Variants in PTPRM observed in about 807,000 individuals in gnomAD.
PTPRM encodes the protein protein tyrosine phosphatase receptor type M, also known as receptor-type tyrosine-protein phosphatase mu.
PTPRM carries 47 observed loss-of-function variants against 186.7 expected under a neutral mutation model. The ratio of observed to expected loss-of-function variants is 0.25; its 90% CI spans 0.20 to 0.32. The LOEUF is 0.32. Ranked by LOEUF, PTPRM falls within the 10% of genes least tolerant of loss-of-function variation. The probability of loss-of-function intolerance (pLI) is 1.00; values close to 1 mark genes in which losing one functional copy is unlikely to be tolerated. For missense variants in PTPRM, 1,494 were observed against 1,865.0 expected, an observed-to-expected ratio of 0.80 and a Z score of 3.66; for synonymous variants, 668 against 674.9, an observed-to-expected ratio of 0.99 and a Z score of 0.16.
At chr18:8,175,160 A>G (rs976298484) in intron 14 of PTPRM, among the ~76,000 whole-genome samples, 3 of 152,254 alleles carry the variant, frequency 2.0e-5, no homozygotes, top group Non-Finnish European at 2.9e-5. Flanking sequence ...GAGCTTCGTA[A>G]TTAGACTGCA....
chr18:7,740,070 G>A (rs2040856734), intron 1 of PTPRM, among the ~76,000 whole-genome samples: 1 of 152,202 alleles, frequency 6.6e-6, no homozygotes, highest in South Asian at 2.1e-4. Flanking sequence ...AGCTGCATGT[G>A]GCTGGTGGGG....
At chr18:7,713,338 C>A (rs1362168196) in intron 1 of PTPRM, among the ~76,000 whole-genome samples, 1 of 152,070 alleles carries the variant, frequency 6.6e-6, no homozygotes, top group Admixed American at 6.5e-5. Flanking sequence ...TTTGTTACCA[C>A]CAGACCTGCC....
chr18:8,153,841 A>G (rs923878568), intron 14 of PTPRM, among the ~76,000 whole-genome samples: 2 of 152,180 alleles, frequency 1.3e-5, no homozygotes, highest in Admixed American at 1.3e-4. Context: ...TGGAATTCCT[A>G]GATCTGTATT....
At chr18:7,828,532 T>C (rs1037782293) in intron 2 of PTPRM, among the ~76,000 whole-genome samples, 10 of 152,132 alleles carry the variant, frequency 6.6e-5, no homozygotes, top group African/African-American at 2.2e-4. Flanking sequence ...TGCTCCCTCA[T>C]GGATGCCACG....
intron 23 of PTPRM, among the ~76,000 whole-genome samples, chr18:8,370,318 A>G (rs776445614): frequency 6.6e-5 from 10 of 152,228 alleles, no homozygotes; most frequent in Non-Finnish European, 1.3e-4. Context: ...GAGATTAGTT[A>G]GAGGCTTCAG....
chr18:8,328,200 C>A (rs2148136418), intron 22 of PTPRM, among the ~76,000 whole-genome samples: 1 of 152,276 alleles, frequency 6.6e-6, no homozygotes, highest in East Asian at 1.9e-4. Flanking sequence ...GCCTCTGAAG[C>A]AATAAATAAT....
intron 14 of PTPRM, among the ~76,000 whole-genome samples, chr18:8,148,898 T>G (rs2092942794): frequency 6.6e-6 from 1 of 152,224 alleles, no homozygotes; most frequent in African/African-American, 2.4e-5. Flanking sequence ...CTGCCTTCAT[T>G]TCATTATTTA....
chr18:7,827,172 A>C lies in PTPRM; in HGVS notation c.196+52901A>C, dbSNP rs562233973. ...GGGCACTAAGGTTTGCTTTGGAGCA[A>C]AGTAAAATAAACATATGTTCCCTGT... On this transcript the variant is annotated intron_variant, in intron 2 of 32. Coordinates refer to ENST00000580170, the MANE Select transcript of PTPRM (RefSeq NM_001105244.2). 3.8e-4 allele frequency among the ~76,000 whole-genome samples: 58 copies of C among 152,200 alleles called. 1 individual carries two copies. The highest frequency in any genetic ancestry group is 1.5e-4 in the Non-Finnish European group (10 of 68,034).
intron 7 of PTPRM, among the ~76,000 whole-genome samples, chr18:8,046,793 G>A (rs1033026781): frequency 2.6e-5 from 4 of 152,034 alleles, no homozygotes; most frequent in African/African-American, 9.7e-5. Context: ...ATCATTCATG[G>A]CATAAATGAG....
chr18:8,037,474 T>G (rs1264950710), intron 7 of PTPRM, among the ~76,000 whole-genome samples: 1 of 152,198 alleles, frequency 6.6e-6, no homozygotes, highest in African/African-American at 2.4e-5. Flanking sequence ...TTCAACATCT[T>G]AAGTGTGAGA....
intron 13 of PTPRM, among the ~76,000 whole-genome samples, chr18:8,120,662 A>T (rs1269222226): frequency 6.6e-6 from 1 of 151,612 alleles, no homozygotes; most frequent in Admixed American, 6.6e-5. Context: ...CGCTAGACTA[A>T]TTTTTGTAAT....
chr18:8,378,358 G>T lies in PTPRM; in HGVS notation c.3556G>T (p.Asp1186Tyr), dbSNP rs1054913706. 1.1e-5 allele frequency: 17 copies of T among 1,614,022 alleles called. No individual in the cohort carries two copies. Among genetic ancestry groups the T allele is most frequent in the Non-Finnish European group, 1.4e-5 (17 of 1,179,918 alleles). ...TTCCCAAGTTAGGTCTCTGTATTAT[G>T]ACATGAACAAACTGGATCCACAGAC... ...PASQVRSLYY[D>Y]MNKLDPQTNS... is the part of the protein sequence containing the mutation. The change falls in exon 27 of 33, where the codon GAC becomes TAC. Residue 1186 changes from aspartate to tyrosine, a missense_variant. By Grantham distance (160) the Asp-to-Tyr change is radical. Transcript: ENST00000580170.
intron 7 of PTPRM, among the ~76,000 whole-genome samples, chr18:8,029,027 G>T (rs1337237406): frequency 6.6e-6 from 1 of 152,158 alleles, no homozygotes; most frequent in Non-Finnish European, 1.5e-5. Context: ...ACCAGGGCTG[G>T]GCCTTCCCTA....
In PTPRM at chr18:8,357,886, C is replaced by T. The variant is rs557674003; in HGVS notation, c.3055-13004C>T. Among the ~76,000 whole-genome samples, 3 of 151,978 alleles carry T rather than the reference C, an allele frequency of 2.0e-5. No individual in the cohort carries two copies. The East Asian group carries it at 5.8e-4, about 29-fold the overall frequency. The stretch of plus-strand genomic sequence containing the variant: ...GAAAAATATGAGACTAAAAGAAACA[C>T]ATACTCGCAGACTAAAGCAAGGAGA... On this transcript the variant is annotated intron_variant, in intron 23 of 32. Transcript: ENST00000580170.
At chr18:8,398,493 C>A (rs575342783) in intron 32 of PTPRM, among the ~76,000 whole-genome samples, 1 of 151,422 alleles carries the variant, frequency 6.6e-6, no homozygotes, top group South Asian at 2.1e-4. Context: ...TGGCCAAACA[C>A]GGTGGCTCAC....
chr18:7,893,594 A>G (rs929656691), intron 3 of PTPRM, among the ~76,000 whole-genome samples: 1 of 152,210 alleles, frequency 6.6e-6, no homozygotes, highest in African/African-American at 2.4e-5. Flanking sequence ...ACATCTGTAA[A>G]GAGTATAGAT....
intron 29 of PTPRM, among the ~76,000 whole-genome samples, chr18:8,383,007 AAGTT>A (rs2095746772): frequency 6.6e-6 from 1 of 152,126 alleles, no homozygotes; most frequent in South Asian, 2.1e-4. Flanking sequence ...AGAAAGATAA[AAGTT>A]AGATGCGGCC....
intron 22 of PTPRM, among the ~76,000 whole-genome samples, chr18:8,320,759 G>T (rs2095340765): frequency 6.6e-6 from 1 of 152,142 alleles, no homozygotes; most frequent in Non-Finnish European, 1.5e-5. Context: ...AGGTTACTCT[G>T]CACTCAGGTC....
intron 2 of PTPRM, among the ~76,000 whole-genome samples, chr18:7,844,671 C>A (rs527603590): frequency 6.6e-6 from 1 of 152,302 alleles, no homozygotes; most frequent in Admixed American, 6.5e-5. Context: ...TAATTCTTGA[C>A]TTCTGTCTGA....
Sources: gnomAD v4.1 joint callset for allele counts (sites outside exome capture counted in the v4.1 genomes callset) on GRCh38, gnomAD v4.1.1 for gene constraint, MANE v1.5 for transcripts, NCBI Gene and HGNC (gene_info 2026-07-23, HGNC 2026-07-21) for gene names.